RNF123: variants seen among roughly 807,000 people sequenced by gnomAD.
RNF123 encodes the protein ring finger protein 123.
A neutral mutation model predicts 168.5 loss-of-function variants in RNF123; 86 were observed. The observed-to-expected ratio is 0.51, with a 90% CI of 0.43 to 0.61. The LOEUF is 0.61. RNF123 is among the 20% of genes least tolerant of loss of function. The probability of loss-of-function intolerance (pLI) is 0.00; values close to 1 mark genes in which losing one functional copy is unlikely to be tolerated. For synonymous variants in RNF123, 666 were observed against 689.1 expected (o/e 0.97, Z 0.52); for missense variants, 1,419 against 1,729.7 (o/e 0.82, Z 3.19).
chr3:49,713,520 A>G lies in RNF123; in HGVS notation c.2682A>G (p.Glu894=), dbSNP rs746804948. ...CACTTCCCACCCTTGCAGGCTATGAAGAGACCCTGACCCGCCTGGCTGCCA... is the reference window on the plus strand; with the variant it reads ...CACTTCCCACCCTTGCAGGCTATGAGGAGACCCTGACCCGCCTGGCTGCCA... ...VHSMEELPGY[E]ETLTRLAAIL... The change falls in exon 28 of 39, where the codon GAA becomes GAG. Residue 894 remains glutamate (E), a synonymous_variant. Coordinates refer to ENST00000327697, the MANE Select transcript of RNF123 (RefSeq NM_022064.5). 9 of 1,609,414 alleles carry G rather than the reference A, an allele frequency of 5.6e-6. No homozygotes were observed. In the South Asian group the frequency reaches 1.0e-4, roughly 18 times the overall value.
At chr3:49,710,310 C>T (rs1467373822) in intron 26 of RNF123, among the ~76,000 whole-genome samples, 4 of 152,116 alleles carry the variant, frequency 2.6e-5, no homozygotes, top group African/African-American at 4.8e-5. Context: ...GAGGGAGTCT[C>T]GCTCTGTGGC....
chr3:49,702,256 G>T lies in RNF123; in HGVS notation c.1558-78G>T, dbSNP rs2054417710. On this transcript the variant is annotated intron_variant, in intron 18 of 38. Coordinates refer to ENST00000327697, the MANE Select transcript of RNF123 (RefSeq NM_022064.5). ...TTGGTTCCCATGGCAGGGGCTGGGGGAAGGTGCAGCACTGAGCCAGCCCAG... is the reference window on the plus strand; with the variant it reads ...TTGGTTCCCATGGCAGGGGCTGGGGTAAGGTGCAGCACTGAGCCAGCCCAG... 23 of 1,587,010 alleles carry T rather than the reference G, an allele frequency of 1.4e-5. No individual in the cohort carries two copies. In the South Asian group the frequency reaches 2.4e-4, roughly 17 times the overall value.
intron 31 of RNF123, 112 bp from the exon 32 acceptor site, chr3:49,715,463 G>A (rs553686358): frequency 1.5e-6 from 2 of 1,310,138 alleles, no homozygotes; most frequent in East Asian, 2.4e-5. Context: ...GCATTCCTAG[G>A]GAGCCATCTT....
At position 49,721,483 on chromosome 3, in the gene RNF123, G is replaced by GACTT. The variant is rs2080406534; in HGVS notation, c.*179_*182dup. ...CATGGCCCTAATTGTGCCTGAGCTT[G>GACTT]ACTTTCAGTCAGGGCCACAGTGAGC... is the stretch of plus-strand genomic sequence containing the variant. On this transcript the variant is annotated 3_prime_UTR_variant, in exon 39 of 39. Coordinates refer to ENST00000327697, the MANE Select transcript of RNF123 (RefSeq NM_022064.5). The GACTT allele has an allele frequency of 2.1e-6, 2 of 934,666 alleles. No individual in the cohort carries two copies. The highest frequency in any genetic ancestry group is 3.5e-6 in the Non-Finnish European group (2 of 572,646). 57.9% of individuals were successfully genotyped at this position (934,666 alleles called of 1,614,324 possible). A position where few individuals can be genotyped will look rare whatever the true frequency, so the allele number is the denominator to read the frequency against.
rs2054097261 is a variant in RNF123, at chr3:49,690,051, G to A, written c.-37+445G>A. 2.6e-5 allele frequency among the ~76,000 whole-genome samples: 4 copies of A among 152,228 alleles called. No individual in the cohort carries two copies. In the South Asian group the frequency reaches 8.3e-4, roughly 32 times the overall value. Reference sequence around the variant, plus strand: ...GGCACCGATCATGGACGCCCACCGAGGGCCCGAGGTCGGGAAAATCACCTT... The same window carrying A: ...GGCACCGATCATGGACGCCCACCGAAGGCCCGAGGTCGGGAAAATCACCTT... On this transcript the variant is annotated intron_variant, in intron 1 of 38. Coordinates refer to ENST00000327697, the MANE Select transcript of RNF123 (RefSeq NM_022064.5).
chr3:49,705,978 G>A lies in RNF123; in HGVS notation c.2305-4G>A, dbSNP rs1254868822. On this transcript the variant is annotated splice_region_variant and splice_polypyrimidine_tract_variant and intron_variant, in intron 24 of 38. Coordinates refer to ENST00000327697, the MANE Select transcript of RNF123 (RefSeq NM_022064.5). ...CTCTGGACATGTGGTCCCATGCTGT[G>A]TAGATGGTGGGTGTCTCCGATGATG... The A allele has an allele frequency of 1.9e-6, 3 of 1,613,802 alleles. No individual in the cohort carries two copies. The highest frequency in any genetic ancestry group is 4.5e-5 in the East Asian group (2 of 44,890).
At chr3:49,718,996 C>T (rs1303356074) in intron 35 of RNF123, 1 of 1,613,782 alleles carries the variant, frequency 6.2e-7, no homozygotes, top group Non-Finnish European at 8.5e-7. Flanking sequence ...GCTGAGCGCG[C>T]GCAGGCCGTG....
chr3:49,703,449 C>A lies in RNF123; in HGVS notation c.1773C>A (p.Val591=). Residue 591 remains valine (V), a synonymous_variant, in exon 21 of 39, where the codon GTC becomes GTA. Coordinates refer to ENST00000327697, the MANE Select transcript of RNF123 (RefSeq NM_022064.5). ...FSEEAYIPPQ[V]FYNGKVDYFD... is the part of the protein sequence containing the mutation. The stretch of plus-strand genomic sequence containing the variant: ...CAGAGGCCTACATCCCGCCCCAGGT[C>A]TTCTATAATGGCAAGGTGGACTACT... The A allele has an allele frequency of 2.5e-6, 4 of 1,614,090 alleles. No individual in the cohort carries two copies. Among genetic ancestry groups the A allele is most frequent in the Non-Finnish European group, 3.4e-6 (4 of 1,179,986 alleles).
Position 49,714,078 on chromosome 3 carries a change from C to T in RNF123, c.2926-12C>T, listed in dbSNP as rs367752442. 2.2e-5 allele frequency: 35 copies of T among 1,614,040 alleles called. No individual in the cohort carries two copies. In the African/African-American group the frequency reaches 4.5e-4, roughly 21 times the overall value. ...GTCCCATTGACCTGGGCACTGACCC[C>T]CACCTCCACAGGGCTGTGGCTTCGG... is the stretch of plus-strand genomic sequence containing the variant. On this transcript the variant is annotated splice_polypyrimidine_tract_variant and intron_variant, in intron 30 of 38. Coordinates refer to ENST00000327697, the MANE Select transcript of RNF123 (RefSeq NM_022064.5).
Position 49,691,656 on chromosome 3 carries a change from A to G in RNF123, c.167+147A>G, listed in dbSNP as rs1575516427. 8.9e-6 allele frequency: 7 copies of G among 783,260 alleles called. No homozygotes were observed. In the East Asian group the frequency reaches 1.3e-4, roughly 15 times the overall value. 48.5% of individuals were successfully genotyped at this position (783,260 alleles called of 1,614,324 possible). On this transcript the variant is annotated intron_variant, in intron 3 of 38. Transcript: ENST00000327697. ...GCTCCTGGCTGCGAGATCTCTGGCCAGAGAGTCTGCCTTCCGTACTCTGCT... is the reference window on the plus strand; with the variant it reads ...GCTCCTGGCTGCGAGATCTCTGGCCGGAGAGTCTGCCTTCCGTACTCTGCT...
intron 9 of RNF123, 78 bp downstream of exon 9, chr3:49,698,900 G>A: frequency 6.2e-7 from 1 of 1,605,512 alleles, no homozygotes; most frequent in Non-Finnish European, 8.5e-7. Flanking sequence ...GGCCCTGTAA[G>A]GGGCCAGACT....
In RNF123 at chr3:49,702,173, G is replaced by C. The variant is rs747485755; in HGVS notation, c.1557+29G>C. The C allele has an allele frequency of 3.1e-6, 5 of 1,611,354 alleles. No individual in the cohort carries two copies. The African/African-American group carries it at 6.7e-5, about 22-fold the overall frequency. ...AGTGACTCCCAGGAGCCCTGGGTGG[G>C]GCCCTGTGGGGAGGGATGCTGCACT... is the stretch of plus-strand genomic sequence containing the variant. On this transcript the variant is annotated intron_variant, in intron 18 of 38. Transcript: ENST00000327697.
At chr3:49,701,768 T>C (rs775200401) in intron 16 of RNF123, 43 bp from the exon 17 acceptor site, 9 of 1,542,102 alleles carry the variant, frequency 5.8e-6, no homozygotes, top group Non-Finnish European at 7.9e-6. Context: ...CCTGGCTAGG[T>C]CCCAGGTGAC....
intron 26 of RNF123, among the ~76,000 whole-genome samples, chr3:49,708,493 G>A (rs1451164890): frequency 6.7e-6 from 1 of 148,366 alleles, no homozygotes; most frequent in Non-Finnish European, 1.5e-5. Flanking sequence ...GAGTGCTCTG[G>A]CCAGCGGCTC....
Position 49,713,998 on chromosome 3 carries a change from G to GT in RNF123, c.2925+2dup. On this transcript the variant is annotated splice_donor_variant, in intron 30 of 38. Transcript: ENST00000327697. LOFTEE classifies it high-confidence loss of function. ...CTGGATCCTGGTGCGGCTCTGGAGG[G>GT]TAAGCCTGACTCGAGGGGAAGTGGC... 1 of 1,614,088 alleles carries GT rather than the reference G, an allele frequency of 6.2e-7. No individual in the cohort carries two copies. The highest frequency in any genetic ancestry group is 8.5e-7 in the Non-Finnish European group (1 of 1,180,006).
chr3:49,715,215 G>A (rs1216112341), intron 31 of RNF123, among the ~76,000 whole-genome samples: 5 of 152,246 alleles, frequency 3.3e-5, no homozygotes, highest in African/African-American at 1.2e-4. Context: ...CCTTGGTGCC[G>A]GTGGGGAAGC....
At chr3:49,691,809 A>T (rs2054172337) in intron 3 of RNF123, among the ~76,000 whole-genome samples, 3 of 152,188 alleles carry the variant, frequency 2.0e-5, no homozygotes, top group African/African-American at 7.2e-5. Flanking sequence ...CCCTGCATGT[A>T]CCTGCCCTCA....
Position 49,699,781 on chromosome 3 carries a change from C to T in RNF123, c.984+9C>T, listed in dbSNP as rs1214651030. The T allele has an allele frequency of 6.8e-6, 11 of 1,611,962 alleles. No individual in the cohort carries two copies. The highest frequency in any genetic ancestry group is 7.6e-6 in the Non-Finnish European group (9 of 1,179,086). On this transcript the variant is annotated intron_variant, in intron 12 of 38. Coordinates refer to ENST00000327697, the MANE Select transcript of RNF123 (RefSeq NM_022064.5). The surrounding 1 kb of genome is among the most constrained non-coding windows in gnomAD (Gnocchi z 4.8). Reference sequence around the variant, plus strand: ...ACTTTGCACCGCTTCTGGTGAGCGGCATTGGGAGGGGCATGGGAGGGGAGG... The same window carrying T: ...ACTTTGCACCGCTTCTGGTGAGCGGTATTGGGAGGGGCATGGGAGGGGAGG...
chr3:49,699,652 C>A lies in RNF123; in HGVS notation c.880-16C>A, dbSNP rs1232294304. 1.2e-6 allele frequency: 2 copies of A among 1,613,348 alleles called. No individual in the cohort carries two copies. The highest frequency in any genetic ancestry group is 1.7e-6 in the Non-Finnish European group (2 of 1,179,596). On this transcript the variant is annotated splice_polypyrimidine_tract_variant and intron_variant, in intron 11 of 38. Coordinates refer to ENST00000327697, the MANE Select transcript of RNF123 (RefSeq NM_022064.5). The surrounding 1 kb of genome is among the most constrained non-coding windows in gnomAD (Gnocchi z 4.8). Reference sequence around the variant, plus strand: ...CTCCTGCCCCTCACACTTCTCCCTCCTCCCCCTCCACACAGGAGGGGCGGC... The same window carrying A: ...CTCCTGCCCCTCACACTTCTCCCTCATCCCCCTCCACACAGGAGGGGCGGC...
Sources: gnomAD v4.1 joint callset for allele counts (sites outside exome capture counted in the v4.1 genomes callset) on GRCh38, gnomAD v4.1.1 for gene constraint, Gnocchi (gnomAD v3.1) non-coding constraint, MANE v1.5 for transcripts, NCBI Gene and HGNC (gene_info 2026-07-23, HGNC 2026-07-21) for gene names.